The following DAB1 variants were observed in gnomAD, a reference collection of about 807,000 sequenced individuals.
The protein encoded by DAB1 is disabled homolog 1.
In DAB1, 15 loss-of-function variants were observed where a neutral mutation model predicts 64.6. The observed-to-expected ratio is 0.23, with a 90% CI of 0.16 to 0.36. The LOEUF is 0.36. Ranked by LOEUF, DAB1 falls within the 10% of genes least tolerant of loss-of-function variation. DAB1 has a pLI of 1.00. For synonymous variants in DAB1, 235 were observed against 251.9 expected (o/e 0.93, Z 0.64); for missense variants, 596 against 706.7 (o/e 0.84, Z 1.78).
chr1:57,554,028 C>G (rs1361458886), intron 7 of DAB1, among the ~76,000 whole-genome samples: 1 of 152,054 alleles, frequency 6.6e-6, no homozygotes, highest in African/African-American at 2.4e-5. Context: ...TGAGAGAGAC[C>G]TAAGCAGGCT....
At chr1:58,082,883 T>C (rs925609362) in intron 5 of DAB1, among the ~76,000 whole-genome samples, 3 of 152,056 alleles carry the variant, frequency 2.0e-5, no homozygotes, top group Non-Finnish European at 4.4e-5. Context: ...ATTGCTATTG[T>C]TGTGGCAAGT....
At chr1:58,240,137 C>A (rs1051214335) in intron 4 of DAB1, among the ~76,000 whole-genome samples, 3 of 152,172 alleles carry the variant, frequency 2.0e-5, no homozygotes, top group African/African-American at 7.2e-5. Context: ...CACTGTCCAC[C>A]AATACCCATT....
chr1:58,065,517 A>T (rs549703346), intron 5 of DAB1, among the ~76,000 whole-genome samples: 28 of 152,310 alleles, frequency 1.8e-4, no homozygotes, highest in African/African-American at 6.7e-4. Context: ...CAAGCAATCA[A>T]CAAATTCAGT....
intron 4 of DAB1, among the ~76,000 whole-genome samples, chr1:58,240,770 A>T (rs1660258543): frequency 6.6e-6 from 1 of 152,222 alleles, no homozygotes; most frequent in Non-Finnish European, 1.5e-5. Flanking sequence ...CTTGGTGGTT[A>T]CTGACTCTTA....
chr1:57,305,955 C>G (rs920607413), intron 1 of DAB1, among the ~76,000 whole-genome samples: 1 of 124,326 alleles, frequency 8.0e-6, no homozygotes, highest in Non-Finnish European at 1.6e-5. Flanking sequence ...GGCGACAGAG[C>G]AAGACTCCGT....
chr1:58,511,476 T>C (rs954464895), intron 2 of DAB1, among the ~76,000 whole-genome samples: 1 of 151,870 alleles, frequency 6.6e-6, no homozygotes, highest in Non-Finnish European at 1.5e-5. Context: ...GGTGAAACCA[T>C]CTCTACAAAA....
At chr1:58,423,173 A>C (rs962458610) in intron 3 of DAB1, among the ~76,000 whole-genome samples, 23 of 152,200 alleles carry the variant, frequency 1.5e-4, no homozygotes, top group African/African-American at 5.3e-4. Context: ...ATAAAGCCTG[A>C]GAAACCTCTT....
In DAB1 at chr1:57,828,205, A is replaced by G. The variant is rs544964554; in HGVS notation, n.88-1750T>C. Among the ~76,000 whole-genome samples, 23 of 152,156 alleles carry G rather than the reference A, an allele frequency of 1.5e-4. No homozygotes were observed. The East Asian group carries it at 4.5e-3, about 29-fold the overall frequency. On this transcript the variant is annotated intron_variant and non_coding_transcript_variant, in intron 1 of 1. Coordinates refer to the DAB1 transcript ENST00000477280. ...TGTGATCCGCCCGCCTCCGCCTTCCAAAGTGCTGGGATTACAGGCGTGAGC... is the reference window on the plus strand; with the variant it reads ...TGTGATCCGCCCGCCTCCGCCTTCCGAAGTGCTGGGATTACAGGCGTGAGC...
At chr1:57,697,212 GATGA>G (rs59255304) in intron 6 of DAB1, among the ~76,000 whole-genome samples, 1 of 151,908 alleles carries the variant, frequency 6.6e-6, no homozygotes, top group African/African-American at 2.4e-5. Flanking sequence ...AGATCTGTCA[GATGA>G]ATGAATGAAT....
chr1:58,465,622 G>T (rs1007508762), intron 3 of DAB1, among the ~76,000 whole-genome samples: 1 of 152,120 alleles, frequency 6.6e-6, no homozygotes, highest in African/African-American at 2.4e-5. Context: ...ACACAGCAGC[G>T]GTGGGAGTGC....
intron 1 of DAB1, among the ~76,000 whole-genome samples, chr1:57,404,604 GT>G (rs1328210628): frequency 6.6e-6 from 1 of 151,810 alleles, no homozygotes; most frequent in Non-Finnish European, 1.5e-5. Context: ...CTTTTTTTGT[GT>G]TTTTCAAATT....
At chr1:57,411,156 A>G (rs1684077855) in intron 1 of DAB1, among the ~76,000 whole-genome samples, 1 of 152,300 alleles carries the variant, frequency 6.6e-6, no homozygotes, top group Middle Eastern at 3.4e-3. Flanking sequence ...ATATGTTACA[A>G]TTTCCAGACA....
chr1:58,140,216 A>G (rs978141690), intron 5 of DAB1, among the ~76,000 whole-genome samples: 5 of 152,214 alleles, frequency 3.3e-5, no homozygotes, highest in African/African-American at 1.2e-4. Flanking sequence ...TTGAGGCTCA[A>G]TAGAAGAATG....
intron 7 of DAB1, among the ~76,000 whole-genome samples, chr1:57,464,332 C>T (rs1686885708): frequency 2.0e-5 from 3 of 152,104 alleles, no homozygotes. Flanking sequence ...TTGCCACCTC[C>T]ACCAGTTACC....
At chr1:57,276,525 A>C (rs574103536) in intron 2 of DAB1, among the ~76,000 whole-genome samples, 3 of 152,368 alleles carry the variant, frequency 2.0e-5, no homozygotes, top group African/African-American at 7.2e-5. Flanking sequence ...GAAATGAATA[A>C]AATATGTTTG....
chr1:58,507,674 T>C (rs1347893877), intron 2 of DAB1, among the ~76,000 whole-genome samples: 3 of 152,050 alleles, frequency 2.0e-5, no homozygotes, highest in Non-Finnish European at 4.4e-5. Flanking sequence ...TACATATCTA[T>C]ATATGCAAGA....
chr1:58,068,021 T>A (rs946747983), intron 5 of DAB1, among the ~76,000 whole-genome samples: 2 of 152,212 alleles, frequency 1.3e-5, no homozygotes, highest in African/African-American at 4.8e-5. Context: ...GGAAAGAAGA[T>A]GAGAGGACAG....
chr1:57,484,802 T>TGAGA (rs751788721), intron 7 of DAB1, among the ~76,000 whole-genome samples: 1 of 151,016 alleles, frequency 6.6e-6, no homozygotes, highest in African/African-American at 2.4e-5. Flanking sequence ...TATTTGAGAA[T>TGAGA]GAGAGAGAGA....
At chr1:57,436,256 T>A (rs1685692142) in intron 7 of DAB1, among the ~76,000 whole-genome samples, 1 of 152,084 alleles carries the variant, frequency 6.6e-6, no homozygotes, top group Non-Finnish European at 1.5e-5. Flanking sequence ...GCTCAGTAAG[T>A]TTGTTTACAC....
Sources: allele counts gnomAD v4.1 joint callset (sites outside exome capture counted in the v4.1 genomes callset), GRCh38; gene constraint gnomAD v4.1.1; transcripts MANE v1.5; gene names NCBI Gene and HGNC (gene_info 2026-07-23, HGNC 2026-07-21).